The following NXPE2 variants were observed in gnomAD, a reference collection of about 807,000 sequenced individuals.
NXPE2 encodes NXPE family member 2.
Under a neutral mutation model 34.4 loss-of-function variants are expected in NXPE2, and 34 were observed. The ratio of observed to expected loss-of-function variants is 0.99; its 90% CI spans 0.75 to 1.31. The LOEUF is 1.31. Ranked by LOEUF, NXPE2 falls within the 40% of genes most tolerant of loss-of-function variation. The pLI, the probability that NXPE2 is intolerant of heterozygous loss-of-function variation, is 0.00. For synonymous variants in NXPE2, 235 were observed against 231.3 expected, an observed-to-expected ratio of 1.02 and a Z score of -0.15; for missense variants, 649 against 672.5, an observed-to-expected ratio of 0.97 and a Z score of 0.39.
chr11:114,516,973 ATACT>A, the NXPE2 span, among the ~76,000 whole-genome samples: 5 of 152,120 alleles, frequency 3.3e-5, no homozygotes, highest in Non-Finnish European at 7.3e-5. Flanking sequence ...CAATAGCCTG[ATACT>A]TACTGGTATT....
chr11:114,636,762 G>A, the NXPE2 span, among the ~76,000 whole-genome samples: 6 of 152,088 alleles, frequency 3.9e-5, no homozygotes, highest in African/African-American at 1.4e-4. Flanking sequence ...TTTCCATGTA[G>A]TTGAGTAGTT....
At chr11:114,662,497 T>A in the NXPE2 span, among the ~76,000 whole-genome samples, 1 of 152,166 alleles carries the variant, frequency 6.6e-6, no homozygotes, top group African/African-American at 2.4e-5. Context: ...GATGAGCTGC[T>A]ACTAGTGCTG....
chr11:114,811,511 G>A, the NXPE2 span, among the ~76,000 whole-genome samples: 1 of 152,160 alleles, frequency 6.6e-6, no homozygotes, highest in Non-Finnish European at 1.5e-5. Context: ...GGAAAAGAAT[G>A]GTGAGAAAAA....
chr11:114,490,040 C>T, the NXPE2 span, among the ~76,000 whole-genome samples: 223 of 152,292 alleles, frequency 1.5e-3, no homozygotes, highest in Admixed American at 7.8e-3. Context: ...GCAAAAATCA[C>T]GAGCATTCTT....
At chr11:114,774,443 C>T in the NXPE2 span, among the ~76,000 whole-genome samples, 19 of 152,296 alleles carry the variant, frequency 1.2e-4, no homozygotes, top group South Asian at 3.1e-3. Context: ...GTGAAGGAGG[C>T]GGCTGCTAGT....
At chr11:114,500,496 AGT>A in the NXPE2 span, among the ~76,000 whole-genome samples, 2 of 152,054 alleles carry the variant, frequency 1.3e-5, no homozygotes, top group Non-Finnish European at 2.9e-5. Flanking sequence ...TTGAGTTGTA[AGT>A]GTTCTCCACA....
chr11:114,584,871 T>A, the NXPE2 span, among the ~76,000 whole-genome samples: 3 of 152,172 alleles, frequency 2.0e-5, no homozygotes, highest in Admixed American at 2.0e-4. Flanking sequence ...TGCTGGGTGA[T>A]CTCTTCTAGG....
the NXPE2 span, among the ~76,000 whole-genome samples, chr11:114,599,535 G>T: frequency 1.3e-5 from 2 of 152,118 alleles, no homozygotes; most frequent in Non-Finnish European, 2.9e-5. Flanking sequence ...AAAAATATTT[G>T]AGACTGGGTA....
the NXPE2 span, among the ~76,000 whole-genome samples, chr11:114,791,447 T>C: frequency 6.6e-6 from 1 of 152,240 alleles, no homozygotes. Flanking sequence ...GCCCCTTACC[T>C]AGTCACAGGG....
chr11:114,707,022 A>G lies in NXPE2; in HGVS notation c.*92A>G. On this transcript the variant is annotated 3_prime_UTR_variant, in exon 6 of 6. Coordinates refer to ENST00000389586, the MANE Select transcript of NXPE2 (RefSeq NM_182495.6). ...TTAATGCAATCCAAGTTTTGAGGAAACTAAATTTGAAAAAGTTCTATTAAA... is the reference window on the plus strand; with the variant it reads ...TTAATGCAATCCAAGTTTTGAGGAAGCTAAATTTGAAAAAGTTCTATTAAA... 1 of 1,013,736 alleles carries G rather than the reference A, an allele frequency of 9.9e-7. No homozygotes were observed. Among genetic ancestry groups the G allele is most frequent in the Non-Finnish European group, 1.4e-6 (1 of 714,442 alleles). The allele number at this position is 1,013,736 out of a possible 1,614,324, so 62.8% of individuals were successfully genotyped here.
At chr11:114,699,046 A>AT (rs753997165) in intron 3 of NXPE2, among the ~76,000 whole-genome samples, 5 of 152,124 alleles carry the variant, frequency 3.3e-5, no homozygotes, top group Non-Finnish European at 5.9e-5. Flanking sequence ...AGGTTCAGTA[A>AT]TTTTTTATAG....
At chr11:114,739,317 TTCCTTCCTTCCTTCCTTC>T in the NXPE2 span, among the ~76,000 whole-genome samples, 1 of 53,584 alleles carries the variant, frequency 1.9e-5, no homozygotes, top group African/African-American at 6.1e-5. Context: ...CCTTCCTTCC[TTCCTTCCTTCCTTCCTTC>T]CTTCCCCCCT....
chr11:114,729,780 C>T, the NXPE2 span, among the ~76,000 whole-genome samples: 1 of 151,980 alleles, frequency 6.6e-6, no homozygotes, highest in Non-Finnish European at 1.5e-5. Context: ...AAATTGTTTA[C>T]GTTTCCTACA....
chr11:114,628,351 T>C, the NXPE2 span, among the ~76,000 whole-genome samples: 1 of 152,236 alleles, frequency 6.6e-6, no homozygotes, highest in African/African-American at 2.4e-5. Flanking sequence ...AAACTAGAAC[T>C]CAGGATTAAG....
chr11:114,486,331 T>G, the NXPE2 span, among the ~76,000 whole-genome samples: 1 of 152,196 alleles, frequency 6.6e-6, no homozygotes, highest in African/African-American at 2.4e-5. Context: ...CTTTTGCCCA[T>G]TTTTAAATTG....
At chr11:114,582,392 G>A in the NXPE2 span, 1 of 1,614,206 alleles carries the variant, frequency 6.2e-7, no homozygotes, top group Non-Finnish European at 8.5e-7. Flanking sequence ...GCCTCACACA[G>A]TAGAAGCCTT....
At chr11:114,644,919 A>G in the NXPE2 span, among the ~76,000 whole-genome samples, 1,547 of 152,220 alleles carry the variant, frequency 0.01, 9 homozygotes, top group Non-Finnish European at 0.017. Context: ...AACTCAATCT[A>G]TTAATAAAAG....
In NXPE2 at chr11:114,698,492, A is replaced by T. The variant is rs754278274; in HGVS notation, c.580A>T (p.Ile194Phe). Residue 194 changes from isoleucine (I) to phenylalanine (F), a missense_variant, in exon 3 of 6, where the codon ATC (isoleucine) becomes TTC (phenylalanine). Ile to Phe is a conservative substitution (Grantham distance 21, BLOSUM62 0). Coordinates refer to ENST00000389586, the MANE Select transcript of NXPE2 (RefSeq NM_182495.6). ...CCAGGTTTCCCTGTCTCTGCTGCTC[A>T]TCCACCCCAGTGAAGGGGTATCAGC... ...EGQVSLSLLL[I>F]HPSEGVSALW... 15 of 1,614,116 alleles carry T rather than the reference A, an allele frequency of 9.3e-6. No homozygotes were observed. In the African/African-American group the frequency reaches 1.5e-4, roughly 16 times the overall value.
chr11:114,745,302 A>C, the NXPE2 span, among the ~76,000 whole-genome samples: 3 of 152,316 alleles, frequency 2.0e-5, no homozygotes, highest in East Asian at 1.9e-4. Context: ...CCTTCCACTC[A>C]GGGTGGAAGG....
Sources: gnomAD v4.1 joint callset for allele counts (sites outside exome capture counted in the v4.1 genomes callset) on GRCh38, gnomAD v4.1.1 for gene constraint, MANE v1.5 for transcripts, NCBI Gene and HGNC (gene_info 2026-07-23, HGNC 2026-07-21) for gene names.